Variants in RYR1 observed in about 807,000 individuals in gnomAD.
RYR1 encodes the protein ryanodine receptor 1.
RYR1 carries 342 observed loss-of-function variants against 583.5 expected under a neutral mutation model. The ratio of observed to expected loss-of-function variants is 0.59; its 90% CI spans 0.54 to 0.64. The LOEUF is 0.64. Among genes scored for constraint, RYR1 ranks in the 30% least tolerant of loss-of-function variants. RYR1 has a pLI of 0.00. For synonymous variants in RYR1, 2,791 were observed against 2,822.5 expected, an observed-to-expected ratio of 0.99 and a Z score of 0.35; for missense variants, 6,032 against 6,917.2, an observed-to-expected ratio of 0.87 and a Z score of 4.54.
chr19:38,539,420 G>A (rs1972112121), intron 84 of RYR1, among the ~76,000 whole-genome samples: 1 of 151,454 alleles, frequency 6.6e-6, no homozygotes, highest in Non-Finnish European at 1.5e-5. Context: ...TTTATTTTTT[G>A]TAGAGATGAG....
intron 84 of RYR1, among the ~76,000 whole-genome samples, chr19:38,542,285 C>CTA (rs1972232027): frequency 6.6e-6 from 1 of 151,838 alleles, no homozygotes; most frequent in South Asian, 2.1e-4. Flanking sequence ...GTTCCCTGGC[C>CTA]TTTAGTAGGT....
At chr19:38,519,051 G>A (rs941102738) in intron 66 of RYR1, among the ~76,000 whole-genome samples, 163 bp from the exon 67 acceptor site, 2 of 152,112 alleles carry the variant, frequency 1.3e-5, no homozygotes, top group Non-Finnish European at 2.9e-5. Context: ...TAGGGGCTAT[G>A]GCTGGGATCA....
chr19:38,465,562 C>T (rs1387318263), intron 23 of RYR1, among the ~76,000 whole-genome samples: 4 of 152,046 alleles, frequency 2.6e-5, no homozygotes, highest in Non-Finnish European at 5.9e-5. Context: ...GTCGGGAATT[C>T]GAGACCAGCC....
intron 35 of RYR1, 124 bp from the exon 36 acceptor site, chr19:38,489,952 C>A (rs978901989): frequency 1.0e-6 from 1 of 981,130 alleles, no homozygotes; most frequent in South Asian, 1.3e-5. Flanking sequence ...AGGTTCCAGG[C>A]GGGAAATGAT....
In RYR1 at chr19:38,441,073, G is replaced by A. The variant is rs551129550; in HGVS notation, c.165+209G>A. ...GGCAGGGGGTCTGGGGTGTTGGAGG[G>A]AATCCCTGTGTGCACAGAAGTGTGG... On this transcript the variant is annotated intron_variant, in intron 2 of 105. Transcript: ENST00000359596. Among the ~76,000 whole-genome samples, 8 of 151,884 alleles carry A rather than the reference G, an allele frequency of 5.3e-5. 1 individual carries two copies. In the South Asian group the frequency reaches 1.5e-3, roughly 28 times the overall value.
Position 38,525,629 on chromosome 19 carries a change from A to G in RYR1, c.10626+127A>G, listed in dbSNP as rs1221821899. The G allele has an allele frequency of 1.1e-5, 11 of 1,031,546 alleles. No homozygotes were observed. In the African/African-American group the frequency reaches 1.4e-4, roughly 13 times the overall value. 63.9% of individuals were successfully genotyped at this position (1,031,546 alleles called of 1,614,324 possible). A position where few individuals can be genotyped will look rare whatever the true frequency, so the allele number is the denominator to read the frequency against. On this transcript the variant is annotated intron_variant, in intron 71 of 105. Transcript: ENST00000359596. ...AGGTCCCTGGGAGCCTTCCCTTCAG[A>G]CCCCACTGAGTTCTTTTCCGGGATG...
At chr19:38,481,902 A>G (rs561137770) in intron 31 of RYR1, among the ~76,000 whole-genome samples, 1 of 152,270 alleles carries the variant, frequency 6.6e-6, no homozygotes, top group Non-Finnish European at 1.5e-5. Flanking sequence ...AGCCTGACCA[A>G]CATGGTGAAA....
In RYR1 at chr19:38,558,736, G is replaced by A. The variant is rs545597823; in HGVS notation, c.12283-2377G>A. Among the ~76,000 whole-genome samples, 114 of 152,136 alleles carry A rather than the reference G, an allele frequency of 7.5e-4. 1 individual carries two copies. Among genetic ancestry groups the A allele is most frequent in the African/African-American group, 2.5e-3 (104 of 41,492 alleles). On this transcript the variant is annotated intron_variant, in intron 89 of 105. Coordinates refer to ENST00000359596, the MANE Select transcript of RYR1 (RefSeq NM_000540.3). ...AGAGGTTTCAGTGAGCCAAGATCAC[G>A]CCACTGCACTCCAGCCTGGGTGACA...
rs746965897 is a variant in RYR1 at position 38,489,375 on chromosome 19, G to T, written c.5746G>T (p.Gly1916Trp). The change falls in exon 35 of 106, where the codon GGG becomes TGG. Residue 1916 changes from glycine to tryptophan, a missense_variant. Transcript: ENST00000359596. ...AAAAGAGGAAGAGGAGGCAGCAGAA[G>T]GGGAGAAAGAAGAAGGCTTGGAGGA... is the stretch of plus-strand genomic sequence containing the variant. ...EEKEEEEAAE[G>W]EKEEGLEEGL... 5 of 1,614,032 alleles carry T rather than the reference G, an allele frequency of 3.1e-6. No individual in the cohort carries two copies. The South Asian group carries it at 4.4e-5, about 14-fold the overall frequency.
intron 39 of RYR1, 136 bp downstream of exon 39, chr19:38,494,761 C>T (rs1452595219): frequency 5.6e-6 from 6 of 1,073,228 alleles, no homozygotes; most frequent in African/African-American, 3.1e-5. Flanking sequence ...TAGCTCACCT[C>T]CTGGGTAATG....
intron 71 of RYR1, among the ~76,000 whole-genome samples, chr19:38,526,630 A>C: frequency 7.0e-6 from 1 of 142,172 alleles, no homozygotes; most frequent in Non-Finnish European, 1.5e-5. Context: ...ATCCCCCATG[A>C]CCTCTGCTGA....
At chr19:38,530,987 C>CTTTTTTTTTTTT (rs59244176) in intron 76 of RYR1, among the ~76,000 whole-genome samples, 16 of 129,372 alleles carry the variant, frequency 1.2e-4, no homozygotes, top group South Asian at 2.5e-4. Context: ...TTTTCTTTCT[C>CTTTTTTTTTTTT]TTTTTTTTTT....
chr19:38,567,202 A>G (rs1459279798), intron 92 of RYR1, among the ~76,000 whole-genome samples: 2 of 152,056 alleles, frequency 1.3e-5, no homozygotes, highest in Non-Finnish European at 2.9e-5. Context: ...AAAATTAGCC[A>G]AGCATGGTGG....
chr19:38,494,224 G>T, intron 38 of RYR1, 128 bp from the exon 39 acceptor site: 1 of 1,028,394 alleles, frequency 9.7e-7, no homozygotes, highest in East Asian at 2.4e-5. Context: ...AGCAGGTGGA[G>T]GGCGCAGGTG....
rs759996435 is a variant in RYR1 at position 38,548,258 on chromosome 19, C to G, written c.12120C>G (p.Ala4040=). The G allele has an allele frequency of 6.2e-7, 1 of 1,614,088 alleles. No homozygotes were observed. Among genetic ancestry groups the G allele is most frequent in the East Asian group, 2.2e-5 (1 of 44,892 alleles). The change falls in exon 89 of 106, where the codon GCC becomes GCG. Residue 4040 remains alanine (A), a synonymous_variant. Coordinates refer to ENST00000359596, the MANE Select transcript of RYR1 (RefSeq NM_000540.3). ...LEGNVVNGMI[A]RQMVDMLVES... ...GGAACGTGGTGAACGGCATGATCGCCCGGCAGATGGTGGACATGCTCGTGG... is the reference window on the plus strand; with the variant it reads ...GGAACGTGGTGAACGGCATGATCGCGCGGCAGATGGTGGACATGCTCGTGG...
chr19:38,461,481 A>G (rs146757665), intron 20 of RYR1, among the ~76,000 whole-genome samples: 30 of 152,140 alleles, frequency 2.0e-4, no homozygotes, highest in African/African-American at 6.7e-4. Context: ...CTGCGATCCT[A>G]GAACTCTGAG....
In RYR1 at chr19:38,536,050, T is replaced by C; in HGVS notation, c.11570T>C (p.Met3857Thr). The C allele has an allele frequency of 6.2e-7, 1 of 1,613,624 alleles. No homozygotes were observed. The highest frequency in any genetic ancestry group is 8.5e-7 in the Non-Finnish European group (1 of 1,179,966). ...CAGAACAAGGCCGAGGGGCTGGGCA[T>C]GGTGAATGAGGATGGCACTGGTGAG... ...ERQNKAEGLG[M>T]VNEDGTVINR... Residue 3857 changes from methionine (M) to threonine (T), a missense_variant, in exon 82 of 106, where the codon ATG becomes ACG. Physicochemically the swap from Met to Thr is moderately conservative, Grantham distance 81. Transcript: ENST00000359596.
At chr19:38,513,550 T>C (rs2145667581) in intron 63 of RYR1, among the ~76,000 whole-genome samples, 1 of 151,820 alleles carries the variant, frequency 6.6e-6, no homozygotes, top group East Asian at 2.0e-4. Flanking sequence ...ATTTTGAAAT[T>C]TTCAAAACAT....
chr19:38,546,650 G>A (rs1394415661), intron 88 of RYR1, 124 bp downstream of exon 88: 1 of 804,626 alleles, frequency 1.2e-6, no homozygotes, highest in Non-Finnish European at 2.1e-6. Flanking sequence ...GGATCCATGG[G>A]TTGATGAAGA....
Sources: gnomAD v4.1 joint callset for allele counts (sites outside exome capture counted in the v4.1 genomes callset) on GRCh38, gnomAD v4.1.1 for gene constraint, MANE v1.5 for transcripts, NCBI Gene and HGNC (gene_info 2026-07-23, HGNC 2026-07-21) for gene names.